Variants in FAF1 observed in about 807,000 individuals in gnomAD.
FAF1 encodes FAS-associated factor 1.
FAF1 carries 25 observed loss-of-function variants against 92.5 expected under a neutral mutation model. The ratio of observed to expected loss-of-function variants is 0.27; its 90% CI spans 0.20 to 0.38. The LOEUF (loss-of-function observed/expected upper bound fraction) is 0.38, where lower values mean the gene tolerates loss of function less well. FAF1 is among the 10% of genes least tolerant of loss of function. The probability of loss-of-function intolerance (pLI) is 1.00; values close to 1 mark genes in which losing one functional copy is unlikely to be tolerated. For synonymous variants in FAF1, 234 were observed against 273.2 expected (o/e 0.86, Z 1.42); for missense variants, 636 against 793.3 (o/e 0.80, Z 2.38).
chr1:50,622,523 C>T lies in FAF1; in HGVS notation c.745-26307G>A, dbSNP rs192414169. 3.8e-4 allele frequency among the ~76,000 whole-genome samples: 58 copies of T among 152,320 alleles called. 4 individuals carry two copies. The highest frequency in any genetic ancestry group is 1.4e-3 in the African/African-American group (57 of 41,566). Reference sequence around the variant, plus strand: ...GCCGCATTTAGTTAGCTATCTCATCCACTCTCTTGAGAGTTACTTTTAAAG... The same window carrying T: ...GCCGCATTTAGTTAGCTATCTCATCTACTCTCTTGAGAGTTACTTTTAAAG... On this transcript the variant is annotated intron_variant, in intron 8 of 18. Coordinates refer to ENST00000396153, the MANE Select transcript of FAF1 (RefSeq NM_007051.3).
At chr1:50,655,368 T>C (rs1328140474) in intron 8 of FAF1, 74 bp downstream of exon 8, 3 of 974,184 alleles carry the variant, frequency 3.1e-6, no homozygotes, top group East Asian at 2.4e-5. Flanking sequence ...TTGTGCTTAT[T>C]ATCAAAGCCA....
chr1:50,857,824 T>TA, intron 2 of FAF1, 105 bp downstream of exon 2: 1 of 610,216 alleles, frequency 1.6e-6, no homozygotes, highest in Non-Finnish European at 2.8e-6. Flanking sequence ...AGCTTAGAGT[T>TA]ATAGATGAGC....
intron 8 of FAF1, among the ~76,000 whole-genome samples, chr1:50,601,706 TAC>T (rs56815834): frequency 0.019 from 2,731 of 146,424 alleles, 74 homozygotes; most frequent in African/African-American, 0.069. Context: ...TATATATATA[TAC>T]ACACACACAC....
intron 2 of FAF1, among the ~76,000 whole-genome samples, chr1:50,817,940 A>C (rs541828796): frequency 9.0e-4 from 137 of 152,324 alleles, no homozygotes; most frequent in African/African-American, 3.1e-3. Context: ...GGCTCGAAAA[A>C]GGTAAATACT....
intron 8 of FAF1, among the ~76,000 whole-genome samples, chr1:50,648,180 C>A (rs1654681834): frequency 6.6e-6 from 1 of 152,160 alleles, no homozygotes; most frequent in Non-Finnish European, 1.5e-5. Flanking sequence ...ATTGCTCGAA[C>A]CCCGGAGACA....
At chr1:50,922,949 T>C (rs567147208) in intron 1 of FAF1, among the ~76,000 whole-genome samples, 3 of 151,368 alleles carry the variant, frequency 2.0e-5, no homozygotes, top group Non-Finnish European at 4.4e-5. Context: ...TCATAACTGA[T>C]ACCAAAGAAA....
chr1:50,611,443 C>G (rs985695933), intron 8 of FAF1, among the ~76,000 whole-genome samples: 1 of 152,190 alleles, frequency 6.6e-6, no homozygotes, highest in African/African-American at 2.4e-5. Context: ...TATGCCACCT[C>G]TGAAAGACCT....
At chr1:50,932,919 G>A (rs2124746302) in intron 1 of FAF1, among the ~76,000 whole-genome samples, 1 of 152,332 alleles carries the variant, frequency 6.6e-6, no homozygotes, top group East Asian at 1.9e-4. Flanking sequence ...TGTGGAAGCT[G>A]CCAAGGCTTG....
chr1:50,538,906 T>C (rs531673599), intron 14 of FAF1, among the ~76,000 whole-genome samples: 7 of 152,344 alleles, frequency 4.6e-5, no homozygotes, highest in African/African-American at 1.4e-4. Context: ...GAAATTAGTA[T>C]ACCAGATATA....
chr1:50,695,948 CTTT>C (rs767839672), intron 7 of FAF1, among the ~76,000 whole-genome samples: 1,486 of 129,344 alleles, frequency 0.011, 22 homozygotes, highest in African/African-American at 0.039. Flanking sequence ...CGTGCTTGGC[CTTT>C]TTTTTTTTTT....
intron 1 of FAF1, among the ~76,000 whole-genome samples, chr1:50,945,177 G>A (rs1308564927): frequency 6.6e-6 from 1 of 152,154 alleles, no homozygotes; most frequent in Non-Finnish European, 1.5e-5. Context: ...ACGATAAAAG[G>A]TGCACTACTG....
chr1:50,587,726 T>C (rs1193112412), intron 9 of FAF1, among the ~76,000 whole-genome samples: 2 of 152,206 alleles, frequency 1.3e-5, no homozygotes, highest in Non-Finnish European at 2.9e-5. Flanking sequence ...TTTGGACCTA[T>C]GTGGAAGATA....
intron 8 of FAF1, among the ~76,000 whole-genome samples, chr1:50,630,215 G>C (rs1364828784): frequency 6.6e-6 from 1 of 152,092 alleles, no homozygotes; most frequent in Non-Finnish European, 1.5e-5. Flanking sequence ...AATTTATTTT[G>C]GTTCCCTGGA....
At chr1:50,537,757 C>T (rs1031304532) in intron 14 of FAF1, among the ~76,000 whole-genome samples, 9 of 152,058 alleles carry the variant, frequency 5.9e-5, no homozygotes, top group African/African-American at 2.2e-4. Context: ...TATTCTCGTA[C>T]CTACATCTAC....
intron 2 of FAF1, among the ~76,000 whole-genome samples, chr1:50,827,559 T>C (rs1644112999): frequency 6.6e-6 from 1 of 151,928 alleles, no homozygotes; most frequent in Admixed American, 6.6e-5. Context: ...CTGCTGACCT[T>C]CTCTCCACTA....
At chr1:50,740,007 A>G (rs1218054593) in intron 5 of FAF1, among the ~76,000 whole-genome samples, 1 of 135,942 alleles carries the variant, frequency 7.4e-6, no homozygotes, top group East Asian at 1.9e-4. Context: ...CCTTTACATC[A>G]TAAGCCAGGA....
intron 14 of FAF1, among the ~76,000 whole-genome samples, chr1:50,535,917 A>G (rs994118737): frequency 1.3e-4 from 20 of 152,194 alleles, no homozygotes; most frequent in Non-Finnish European, 2.6e-4. Context: ...AAGAAAAATG[A>G]GTCTTAGCTC....
intron 7 of FAF1, among the ~76,000 whole-genome samples, chr1:50,683,482 G>A (rs868395024): frequency 4.7e-4 from 71 of 150,802 alleles, no homozygotes; most frequent in African/African-American, 1.5e-3. Flanking sequence ...AGCCGAAATC[G>A]CGCCACTGCA....
chr1:50,518,443 C>CT (rs747169544), intron 15 of FAF1, among the ~76,000 whole-genome samples: 1,710 of 140,906 alleles, frequency 0.012, 8 homozygotes, highest in African/African-American at 0.015. Context: ...AAGTTTCTTT[C>CT]TTTTTTTTTT....
Sources: gnomAD v4.1 joint callset for allele counts (sites outside exome capture counted in the v4.1 genomes callset) on GRCh38, gnomAD v4.1.1 for gene constraint, MANE v1.5 for transcripts, NCBI Gene and HGNC (gene_info 2026-07-23, HGNC 2026-07-21) for gene names.